TBXAS1: variants seen among roughly 807,000 people sequenced by gnomAD.
TBXAS1 encodes thromboxane A synthase 1, also known as thromboxane-A synthase.
Under a neutral mutation model 60.7 loss-of-function variants are expected in TBXAS1, and 48 were observed. The observed-to-expected ratio is 0.79, with a 90% CI of 0.63 to 1.01. The LOEUF (loss-of-function observed/expected upper bound fraction) is 1.01. TBXAS1 is among the 50% of genes least tolerant of loss of function. The pLI is 0.00. For synonymous variants in TBXAS1, 287 were observed against 269.7 expected (o/e 1.06, Z -0.63); for missense variants, 685 against 686.3 (o/e 1.00, Z 0.02).
intron 4 of TBXAS1, among the ~76,000 whole-genome samples, chr7:139,921,524 C>A (rs1049333834): frequency 1.3e-5 from 2 of 152,038 alleles, no homozygotes; most frequent in Non-Finnish European, 2.9e-5. Context: ...CAAAGTGAGA[C>A]CCCTGTCTCT....
chr7:139,974,500 C>A (rs1261800335), intron 9 of TBXAS1, among the ~76,000 whole-genome samples: 1 of 152,138 alleles, frequency 6.6e-6, no homozygotes, highest in Non-Finnish European at 1.5e-5. Flanking sequence ...CTAGCATCAT[C>A]CCCGCCATGA....
intron 5 of TBXAS1, among the ~76,000 whole-genome samples, chr7:139,948,865 A>T (rs1194099103): frequency 1.3e-5 from 2 of 152,262 alleles, no homozygotes; most frequent in East Asian, 3.8e-4. Flanking sequence ...ACTGCTGTGT[A>T]AAATGCAAGG....
rs1437818436 is a variant in TBXAS1 at position 139,953,367 on chromosome 7, G to A, written c.451-1G>A. On this transcript the variant is annotated splice_acceptor_variant, in intron 5 of 12. Coordinates refer to ENST00000448866, the MANE Select transcript of TBXAS1 (RefSeq NM_001061.7). LOFTEE classifies it high-confidence loss of function. ...ATTACACCTTTGTTATCCATTATCA[G>A]ATGGTTCCCCTCATCAGCCAAGCCT... 6.2e-7 allele frequency: 1 copy of A among 1,613,534 alleles called. No individual in the cohort carries two copies. Among genetic ancestry groups the A allele is most frequent in the South Asian group, 1.1e-5 (1 of 91,078 alleles).
At chr7:140,016,200 C>CAT (rs1815049760) in intron 11 of TBXAS1, among the ~76,000 whole-genome samples, 3 of 151,826 alleles carry the variant, frequency 2.0e-5, no homozygotes, top group Middle Eastern at 3.2e-3. Flanking sequence ...TGGTGGCGGG[C>CAT]GCCTGTAGTC....
chr7:139,955,119 A>G (rs967287279), intron 6 of TBXAS1, among the ~76,000 whole-genome samples: 4 of 152,160 alleles, frequency 2.6e-5, no homozygotes, highest in African/African-American at 9.7e-5. Context: ...GGAGGAAACT[A>G]TAAAGTGTCC....
intron 4 of TBXAS1, among the ~76,000 whole-genome samples, chr7:139,788,368 G>A (rs1038692275): frequency 3.3e-5 from 5 of 152,030 alleles, no homozygotes; most frequent in African/African-American, 1.2e-4. Flanking sequence ...TCATTTTTAT[G>A]GTCTGATTCT....
At chr7:139,933,393 TTTA>T (rs2117174686) in intron 4 of TBXAS1, among the ~76,000 whole-genome samples, 1 of 152,326 alleles carries the variant, frequency 6.6e-6, no homozygotes, top group East Asian at 1.9e-4. Context: ...AGGTAAGTGC[TTTA>T]TTCCATGTAG....
At chr7:139,970,862 G>A (rs1483333628) in intron 9 of TBXAS1, among the ~76,000 whole-genome samples, 1 of 152,142 alleles carries the variant, frequency 6.6e-6, no homozygotes, top group Admixed American at 6.5e-5. Flanking sequence ...GTAGACTGGA[G>A]ACCTATCACA....
chr7:139,897,304 C>A (rs75715428), intron 3 of TBXAS1, among the ~76,000 whole-genome samples: 2 of 109,742 alleles, frequency 1.8e-5, no homozygotes, highest in African/African-American at 7.1e-5. Flanking sequence ...GGGTTTCAGT[C>A]GGTATGATCA....
At chr7:139,783,071 A>G (rs576034536) in intron 3 of TBXAS1, among the ~76,000 whole-genome samples, 1 of 152,292 alleles carries the variant, frequency 6.6e-6, no homozygotes, top group East Asian at 1.9e-4. Flanking sequence ...AAGACATTAC[A>G]CTCACAGAGA....
intron 10 of TBXAS1, among the ~76,000 whole-genome samples, chr7:140,014,932 AAGG>A (rs981481039): frequency 2.8e-5 from 4 of 141,922 alleles, no homozygotes; most frequent in Non-Finnish European, 3.1e-5. Flanking sequence ...AAGAAGAAAG[AAGG>A]AGGAGGAGGA....
intron 3 of TBXAS1, among the ~76,000 whole-genome samples, chr7:139,784,980 G>A (rs1204410849): frequency 6.6e-6 from 1 of 152,116 alleles, no homozygotes; most frequent in Non-Finnish European, 1.5e-5. Flanking sequence ...GCATCGAAGG[G>A]GCTTTCTAAG....
chr7:139,977,129 T>C (rs555281706), intron 9 of TBXAS1, among the ~76,000 whole-genome samples: 1 of 152,276 alleles, frequency 6.6e-6, no homozygotes, highest in Non-Finnish European at 1.5e-5. Flanking sequence ...CAAGAGGTCA[T>C]CTGGTCTATG....
In TBXAS1 at chr7:139,793,889, C is replaced by G. The variant is rs187502891; in HGVS notation, c.-80+6463C>G. On this transcript the variant is annotated intron_variant, in intron 4 of 16. Transcript: ENST00000336425. The stretch of plus-strand genomic sequence containing the variant: ...ATTCCTTCTTACCTCTCTCTCCTGT[C>G]TTCCCTTTCCTGATCAGGGTTCACG... Among the ~76,000 whole-genome samples the G allele has an allele frequency of 1.7e-3, 264 of 152,308 alleles. 2 individuals are homozygous for G. Among genetic ancestry groups the G allele is most frequent in the African/African-American group, 6.2e-3 (256 of 41,572 alleles).
At chr7:139,957,595 A>G (rs775817375) in intron 7 of TBXAS1, 39 bp from the exon 8 acceptor site, 3 of 1,612,760 alleles carry the variant, frequency 1.9e-6, no homozygotes, top group Non-Finnish European at 2.5e-6. Context: ...GTTTATTATC[A>G]CCCCCTTTTC....
chr7:139,985,770 A>T (rs1367738877), intron 9 of TBXAS1, among the ~76,000 whole-genome samples: 1 of 152,168 alleles, frequency 6.6e-6, no homozygotes, highest in Non-Finnish European at 1.5e-5. Context: ...AGCATCCCCC[A>T]ATGTCCAGCA....
intron 9 of TBXAS1, among the ~76,000 whole-genome samples, chr7:139,993,058 A>G (rs914175195): frequency 3.5e-4 from 53 of 152,194 alleles, no homozygotes; most frequent in African/African-American, 9.9e-4. Flanking sequence ...TTAGCTGGGC[A>G]TGGTAGCGCA....
chr7:139,855,949 A>G (rs948484560), intron 1 of TBXAS1, among the ~76,000 whole-genome samples: 11 of 152,156 alleles, frequency 7.2e-5, no homozygotes, highest in Non-Finnish European at 1.5e-5. Context: ...TAAAGACACC[A>G]CAGTTTCCTT....
At chr7:139,863,010 A>G (rs905698337) in intron 1 of TBXAS1, among the ~76,000 whole-genome samples, 2 of 152,218 alleles carry the variant, frequency 1.3e-5, no homozygotes, top group Admixed American at 6.5e-5. Flanking sequence ...ATTGCTTAGC[A>G]GCACCTTGGG....
Sources: gnomAD v4.1 joint callset for allele counts (sites outside exome capture counted in the v4.1 genomes callset) on GRCh38, gnomAD v4.1.1 for gene constraint, MANE v1.5 for transcripts, NCBI Gene and HGNC (gene_info 2026-07-23, HGNC 2026-07-21) for gene names.